Variants in SNRPN observed in about 807,000 individuals in gnomAD.
The protein encoded by SNRPN is small nuclear ribonucleoprotein polypeptide N.
A neutral mutation model predicts 25.2 loss-of-function variants in SNRPN; 7 were observed. The ratio of observed to expected loss-of-function variants is 0.28; its 90% CI spans 0.16 to 0.52. SNRPN has a LOEUF of 0.52. Among genes scored for constraint, SNRPN ranks in the 20% least tolerant of loss-of-function variants. The pLI is 0.96. For synonymous variants in SNRPN, 124 were observed against 110.6 expected (o/e 1.12, Z -0.76); for missense variants, 196 against 322.5 (o/e 0.61, Z 3.00).
chr15:24,955,018 C>G lies in SNRPN; in HGVS notation c.-435C>G, dbSNP rs372506458. 22 of 1,612,344 alleles carry G rather than the reference C, an allele frequency of 1.4e-5. No homozygotes were observed. The highest frequency in any genetic ancestry group is 3.3e-5 in the Admixed American group (2 of 59,964). Reference sequence around the variant, plus strand: ...TGGAGCGGCCGCCGGAGATGCCTGACGCATCTGTCTGAGGAGCGGTCAGTG... The same window carrying G: ...TGGAGCGGCCGCCGGAGATGCCTGAGGCATCTGTCTGAGGAGCGGTCAGTG... On this transcript the variant is annotated 5_prime_UTR_variant, in exon 1 of 10. Coordinates refer to ENST00000390687, the MANE Select transcript of SNRPN (RefSeq NM_003097.6).
intron 3 of SNRPN, among the ~76,000 whole-genome samples, chr15:24,937,059 G>A (rs1002393622): frequency 1.2e-4 from 19 of 152,036 alleles, no homozygotes; most frequent in African/African-American, 4.3e-4. Context: ...CCTGGCCAAC[G>A]TGGTGAAACT....
chr15:24,861,772 TTTA>T (rs1308702311), intron 1 of SNRPN, among the ~76,000 whole-genome samples: 6 of 152,182 alleles, frequency 3.9e-5, no homozygotes, highest in Admixed American at 6.5e-5. Flanking sequence ...CGATTTAATA[TTTA>T]TTTTAAAAGC....
intron 3 of SNRPN, among the ~76,000 whole-genome samples, chr15:24,973,202 A>G (rs2076654936): frequency 6.6e-6 from 1 of 152,036 alleles, no homozygotes; most frequent in African/African-American, 2.4e-5. Context: ...TCTCTGTTTA[A>G]CATTGTATTG....
At chr15:24,977,737 G>A in intron 7 of SNRPN, 41 bp from the exon 8 acceptor site, 1 of 1,542,616 alleles carries the variant, frequency 6.5e-7, no homozygotes. Context: ...ATAATGTGAA[G>A]GTTTGCATCG....
At chr15:24,935,321 C>T (rs546021211) in intron 3 of SNRPN, among the ~76,000 whole-genome samples, 22 of 151,886 alleles carry the variant, frequency 1.4e-4, no homozygotes, top group African/African-American at 5.3e-4. Flanking sequence ...TCATATGAAA[C>T]ATAAATATAA....
chr15:24,858,277 G>A (rs571207266), intron 1 of SNRPN, among the ~76,000 whole-genome samples: 1 of 152,214 alleles, frequency 6.6e-6, no homozygotes, highest in South Asian at 2.1e-4. Flanking sequence ...ACTATAAACC[G>A]AATTCCTCCT....
At chr15:24,943,353 CCAT>C in intron 3 of SNRPN, among the ~76,000 whole-genome samples, 1 of 152,148 alleles carries the variant, frequency 6.6e-6, no homozygotes, top group Non-Finnish European at 1.5e-5. Flanking sequence ...TTTTGTAGAA[CCAT>C]CTGTAAACCA....
intron 2 of SNRPN, among the ~76,000 whole-genome samples, chr15:24,902,927 CA>C (rs1307086820): frequency 6.6e-6 from 1 of 152,174 alleles, no homozygotes; most frequent in African/African-American, 2.4e-5. Flanking sequence ...CTCCGGTGGC[CA>C]GCTTTTATTC....
intron 1 of SNRPN, among the ~76,000 whole-genome samples, chr15:24,861,279 A>G (rs971530488): frequency 6.6e-5 from 10 of 152,240 alleles, no homozygotes; most frequent in Admixed American, 2.6e-4. Context: ...TCCAGGCTAC[A>G]TGGTACTTAC....
intron 3 of SNRPN, among the ~76,000 whole-genome samples, chr15:24,968,614 C>G (rs1050146670): frequency 6.6e-6 from 1 of 152,232 alleles, no homozygotes. Context: ...AACATACTTT[C>G]ACAGCATTAT....
chr15:24,941,871 C>T lies in SNRPN; in HGVS notation c.-390-20243C>T, dbSNP rs149084155. On this transcript the variant is annotated intron_variant, in intron 3 of 11. Coordinates refer to the SNRPN transcript ENST00000400097. ...TCAGCTCACTGCAACCTCTGCTGCCCGGGGTTCAAACAATTCTTCTGCCTC... is the reference window on the plus strand; with the variant it reads ...TCAGCTCACTGCAACCTCTGCTGCCTGGGGTTCAAACAATTCTTCTGCCTC... Among the ~76,000 whole-genome samples the T allele has an allele frequency of 4.7e-4, 71 of 152,148 alleles. No homozygotes were observed. The South Asian group carries it at 9.3e-3, about 20-fold the overall frequency.
intron 2 of SNRPN, among the ~76,000 whole-genome samples, chr15:24,894,561 A>G (rs1005497189): frequency 6.6e-6 from 1 of 152,176 alleles, no homozygotes; most frequent in Non-Finnish European, 1.5e-5. Flanking sequence ...AGAAACAGAA[A>G]AGCAATAGCT....
chr15:24,880,087 G>C lies in SNRPN; in HGVS notation c.-578-6429G>C, dbSNP rs192089226. Among the ~76,000 whole-genome samples the C allele has an allele frequency of 1.1e-4, 16 of 152,250 alleles. No homozygotes were observed. In the East Asian group the frequency reaches 3.1e-3, roughly 29 times the overall value. On this transcript the variant is annotated intron_variant, in intron 1 of 11. Transcript: ENST00000400097. ...TCTACTTCTGGGGTAGGCGGTCAGA[G>C]GAAAGAGAAAAAAAGGAAAATGGTG...
At chr15:24,919,863 C>T (rs968000601) in intron 2 of SNRPN, 5 of 152,028 alleles carry the variant, frequency 3.3e-5, no homozygotes, top group Non-Finnish European at 5.9e-5. Flanking sequence ...GTGTACAGAA[C>T]GCTATGTTTT....
At chr15:24,882,938 A>C (rs1019100453) in intron 1 of SNRPN, among the ~76,000 whole-genome samples, 1 of 151,942 alleles carries the variant, frequency 6.6e-6, no homozygotes, top group African/African-American at 2.4e-5. Flanking sequence ...AAACACTTAC[A>C]TTAGCCTACA....
At chr15:24,844,376 A>G (rs1356774836) in intron 2 of SNRPN, among the ~76,000 whole-genome samples, 2 of 152,182 alleles carry the variant, frequency 1.3e-5, no homozygotes, top group Non-Finnish European at 2.9e-5. Flanking sequence ...TATTAAATTT[A>G]ACTATGTATA....
chr15:24,901,870 G>A (rs533818056), intron 2 of SNRPN, among the ~76,000 whole-genome samples: 39 of 152,210 alleles, frequency 2.6e-4, no homozygotes, highest in Admixed American at 1.0e-3. Context: ...GGGACATGGC[G>A]CACCAATTAC....
chr15:24,869,107 A>G lies in SNRPN; in HGVS notation c.-579+12391A>G, dbSNP rs368981614. ...CTAAAGTGAGCCATGATCACACCAC[A>G]GCGCTCCAGCCTGAGCTACAGAGTG... is the stretch of plus-strand genomic sequence containing the variant. On this transcript the variant is annotated intron_variant, in intron 1 of 11. Transcript: ENST00000400097. Among the ~76,000 whole-genome samples the G allele has an allele frequency of 2.0e-5, 3 of 152,126 alleles. 1 individual carries two copies. In the East Asian group the frequency reaches 5.8e-4, roughly 29 times the overall value.
intron 3 of SNRPN, among the ~76,000 whole-genome samples, chr15:24,926,251 C>T (rs116949170): frequency 0.015 from 2,294 of 151,986 alleles, 115 homozygotes; most frequent in Admixed American, 0.11. Context: ...TAGGTGATTC[C>T]TTTTTAAATT....
Sources: gnomAD v4.1 joint callset for allele counts (sites outside exome capture counted in the v4.1 genomes callset) on GRCh38, gnomAD v4.1.1 for gene constraint, MANE v1.5 for transcripts, NCBI Gene and HGNC (gene_info 2026-07-23, HGNC 2026-07-21) for gene names.